The following CHST8 variants were observed in gnomAD, a reference collection of about 807,000 sequenced individuals.
The protein encoded by CHST8 is GALNAC-4-ST1.
CHST8 carries 10 observed loss-of-function variants against 15.0 expected under a neutral mutation model. That is an observed-to-expected ratio of 0.67 (90% CI 0.41 to 1.13). The LOEUF (loss-of-function observed/expected upper bound fraction) is 1.13. Ranked by LOEUF, CHST8 falls within the 50% of genes most tolerant of loss-of-function variation. The pLI is 0.00. For missense variants in CHST8, 634 were observed against 608.2 expected, an observed-to-expected ratio of 1.04 and a Z score of -0.45; for synonymous variants, 259 against 256.6, an observed-to-expected ratio of 1.01 and a Z score of -0.09.
At chr19:33,633,686 T>A (rs1047183100) in intron 1 of CHST8, among the ~76,000 whole-genome samples, 4 of 150,732 alleles carry the variant, frequency 2.7e-5, no homozygotes, top group African/African-American at 9.8e-5. Context: ...GTGTGTGTCA[T>A]CATGTCCAGT....
chr19:33,653,665 T>C (rs958910977), intron 1 of CHST8, among the ~76,000 whole-genome samples: 3 of 152,260 alleles, frequency 2.0e-5, no homozygotes, highest in Admixed American at 2.0e-4. Context: ...ATCTGACTTC[T>C]ACTCCAACAC....
intron 3 of CHST8, among the ~76,000 whole-genome samples, chr19:33,699,109 T>C (rs1973280057): frequency 6.6e-6 from 1 of 152,148 alleles, no homozygotes; most frequent in African/African-American, 2.4e-5. Flanking sequence ...CACATTGTCC[T>C]GGGATGGGAC....
intron 1 of CHST8, among the ~76,000 whole-genome samples, chr19:33,650,853 C>T (rs1972439014): frequency 6.6e-6 from 1 of 152,086 alleles, no homozygotes; most frequent in Non-Finnish European, 1.5e-5. Context: ...GGACTACAGG[C>T]ATGTGCCACC....
intron 1 of CHST8, among the ~76,000 whole-genome samples, chr19:33,663,048 A>G (rs1035004139): frequency 6.6e-6 from 1 of 152,174 alleles, no homozygotes; most frequent in African/African-American, 2.4e-5. Flanking sequence ...TCTGTGTTGT[A>G]GAGGAAGACC....
At chr19:33,656,617 C>A (rs558584337) in intron 1 of CHST8, among the ~76,000 whole-genome samples, 3 of 152,050 alleles carry the variant, frequency 2.0e-5, no homozygotes, top group African/African-American at 7.3e-5. Context: ...CTCACTGCAG[C>A]CTTGAAATCC....
intron 3 of CHST8, among the ~76,000 whole-genome samples, chr19:33,750,808 G>A (rs892193): frequency 0.2 from 30,707 of 151,904 alleles, 3,703 homozygotes; most frequent in Non-Finnish European, 0.27. Flanking sequence ...CAAGCCTCCT[G>A]GCTGGGGCAT....
chr19:33,698,041 G>A (rs149854193), intron 3 of CHST8, among the ~76,000 whole-genome samples: 28 of 152,278 alleles, frequency 1.8e-4, no homozygotes, highest in Non-Finnish European at 2.9e-4. Context: ...ACTTTGGGAG[G>A]CTGAGGCGGT....
At chr19:33,695,367 G>A (rs1181910775) in intron 3 of CHST8, among the ~76,000 whole-genome samples, 3 of 152,162 alleles carry the variant, frequency 2.0e-5, no homozygotes. Flanking sequence ...CTCGAGATGA[G>A]CCAGGCACAA....
chr19:33,694,782 G>A (rs554266169), intron 3 of CHST8, among the ~76,000 whole-genome samples: 2 of 152,280 alleles, frequency 1.3e-5, no homozygotes, highest in South Asian at 4.1e-4. Flanking sequence ...GTTTTACCAT[G>A]TTGGCCGGGC....
intron 2 of CHST8, among the ~76,000 whole-genome samples, chr19:33,688,155 C>G (rs936178703): frequency 2.6e-5 from 4 of 152,188 alleles, no homozygotes; most frequent in Admixed American, 6.5e-5. Context: ...GGCTCTCTCC[C>G]CCTGTACTCT....
At chr19:33,674,308 T>C (rs1013940476) in intron 2 of CHST8, among the ~76,000 whole-genome samples, 3 of 152,176 alleles carry the variant, frequency 2.0e-5, no homozygotes, top group Non-Finnish European at 4.4e-5. Context: ...GGCCTGCTAC[T>C]TCCCCCAGTC....
chr19:33,664,124 G>A (rs1264838515), intron 1 of CHST8, among the ~76,000 whole-genome samples: 3 of 152,038 alleles, frequency 2.0e-5, no homozygotes, highest in Admixed American at 6.6e-5. Context: ...GGATTGGGGC[G>A]ACTTTCAAAG....
At chr19:33,771,816 AG>A in intron 4 of CHST8, 140 bp from the exon 5 acceptor site, 1 of 1,006,776 alleles carries the variant, frequency 9.9e-7, no homozygotes, top group Non-Finnish European at 1.5e-6. Flanking sequence ...CTCAGACCGG[AG>A]GGGTCTCACC....
At chr19:33,757,901 G>GCTT (rs1305992785) in intron 3 of CHST8, among the ~76,000 whole-genome samples, 2 of 152,286 alleles carry the variant, frequency 1.3e-5, no homozygotes, top group Admixed American at 1.3e-4. Flanking sequence ...TAATCCTCAG[G>GCTT]CCAGAGCCTT....
chr19:33,764,296 C>T (rs948061716), intron 3 of CHST8, among the ~76,000 whole-genome samples: 1 of 152,136 alleles, frequency 6.6e-6, no homozygotes, highest in African/African-American at 2.4e-5. Flanking sequence ...TCTAAACCAG[C>T]AGACGAGCTG....
rs373932408 is a variant in CHST8, at chr19:33,771,450, C to G, written c.168C>G (p.His56Gln). 1.4e-5 allele frequency: 23 copies of G among 1,613,952 alleles called. No individual in the cohort carries two copies. In the South Asian group the frequency reaches 1.6e-4, roughly 12 times the overall value. Reference sequence around the variant, plus strand: ...ACATCAGGCCAAGGCAGCCCCACCACGTAAGTTCTGAGAGTCAGATAAATC... The same window carrying G: ...ACATCAGGCCAAGGCAGCCCCACCAGGTAAGTTCTGAGAGTCAGATAAATC... ...KFNIRPRQPHHDLPPGGSQDG... is the reference protein window; with the variant it reads ...KFNIRPRQPHQDLPPGGSQDG... Residue 56 changes from histidine to glutamine, a missense_variant and splice_region_variant, in exon 4 of 5, where the codon CAC becomes CAG. Physicochemically the swap from His to Gln is conservative, Grantham distance 24. Coordinates refer to ENST00000650847, the MANE Select transcript of CHST8 (RefSeq NM_001127895.2).
intron 3 of CHST8, among the ~76,000 whole-genome samples, chr19:33,694,752 A>G (rs917690367): frequency 2.6e-5 from 4 of 151,990 alleles, no homozygotes; most frequent in African/African-American, 7.2e-5. Context: ...GCTAATTTTT[A>G]TCTTTTTAGT....
intron 3 of CHST8, among the ~76,000 whole-genome samples, chr19:33,760,290 C>CCTTCCCTCTTTCCTT: frequency 0.077 from 84 of 1,090 alleles, 1 homozygote; most frequent in African/African-American, 0.12. Flanking sequence ...CTCCTTCCTT[C>CCTTCCCTCTTTCCTT]CCTCCCTTCC....
At chr19:33,687,755 G>A (rs1973009474) in intron 2 of CHST8, among the ~76,000 whole-genome samples, 1 of 152,240 alleles carries the variant, frequency 6.6e-6, no homozygotes, top group African/African-American at 2.4e-5. Context: ...GGGCAGGGGA[G>A]CAGGGAGAGT....
Sources: allele counts gnomAD v4.1 joint callset (sites outside exome capture counted in the v4.1 genomes callset), GRCh38; gene constraint gnomAD v4.1.1; transcripts MANE v1.5; gene names NCBI Gene and HGNC (gene_info 2026-07-23, HGNC 2026-07-21).